The following NKD2 variants were observed in gnomAD, a reference collection of about 807,000 sequenced individuals.
NKD2 encodes NKD inhibitor of Wnt signaling pathway 2, also known as protein naked cuticle homolog 2.
A neutral mutation model predicts 34.8 loss-of-function variants in NKD2; 43 were observed. The ratio of observed to expected loss-of-function variants is 1.24; its 90% CI spans 0.97 to 1.60. The LOEUF (loss-of-function observed/expected upper bound fraction) is 1.60. Ranked by LOEUF, NKD2 falls within the 40% of genes most tolerant of loss-of-function variation. The pLI, the probability that NKD2 is intolerant of heterozygous loss-of-function variation, is 0.00. For missense variants in NKD2, 675 were observed against 627.1 expected, an observed-to-expected ratio of 1.08 and a Z score of -0.82; for synonymous variants, 278 against 265.1, an observed-to-expected ratio of 1.05 and a Z score of -0.47.
intron 3 of NKD2, among the ~76,000 whole-genome samples, chr5:1,027,645 G>C (rs1254972173): frequency 6.6e-6 from 1 of 152,214 alleles, no homozygotes; most frequent in East Asian, 1.9e-4. Context: ...TAGAACCCTA[G>C]ACCAGGGTTT....
intron 3 of NKD2, among the ~76,000 whole-genome samples, chr5:1,016,250 G>A (rs190858385): frequency 1.4e-4 from 22 of 152,374 alleles, no homozygotes; most frequent in Admixed American, 9.8e-4. Flanking sequence ...CCGCTCTCAC[G>A]GCGAGCTGCA....
At chr5:1,036,642 A>G (rs2150751885) in intron 9 of NKD2, 1 of 612,428 alleles carries the variant, frequency 1.6e-6, no homozygotes, top group Non-Finnish European at 3.0e-6. Flanking sequence ...TATGTGGCGG[A>G]TGCGGGGGTG....
At chr5:1,015,523 C>T (rs1300674478) in intron 3 of NKD2, among the ~76,000 whole-genome samples, 9 of 152,196 alleles carry the variant, frequency 5.9e-5, no homozygotes, top group African/African-American at 2.2e-4. Flanking sequence ...CTATGTCCTT[C>T]CTGCAGGGCT....
intron 3 of NKD2, among the ~76,000 whole-genome samples, chr5:1,027,935 T>C (rs946486449): frequency 2.0e-5 from 3 of 152,252 alleles, no homozygotes; most frequent in African/African-American, 7.2e-5. Context: ...CTGGCGCCTC[T>C]GCAGGGGTTC....
intron 3 of NKD2, among the ~76,000 whole-genome samples, chr5:1,013,947 G>A (rs1044442235): frequency 1.3e-5 from 2 of 152,200 alleles, no homozygotes; most frequent in African/African-American, 2.4e-5. Flanking sequence ...AGCACAGAGC[G>A]TCCCTGCCAC....
Position 1,037,814 on chromosome 5 carries a change from C to T in NKD2, c.797C>T (p.Pro266Leu). The change falls in exon 10 of 10, where the codon CCT becomes CTT. Residue 266 changes from proline to leucine, a missense_variant. By Grantham distance (98) the Pro-to-Leu change is moderately conservative. Coordinates refer to ENST00000296849, the MANE Select transcript of NKD2 (RefSeq NM_033120.4). ...YTSRFGPGSP[P>L]VQAKQEPQGR... ...TGACCTGTGTCCGCAGGGTCCCCTC[C>T]TGTGCAAGCAAAGCAGGAGCCCCAG... 6.3e-7 allele frequency: 1 copy of T among 1,575,402 alleles called. No individual in the cohort carries two copies. Among genetic ancestry groups the T allele is most frequent in the Non-Finnish European group, 8.6e-7 (1 of 1,164,564 alleles).
chr5:1,012,466 G>A (rs1055893106), intron 3 of NKD2, among the ~76,000 whole-genome samples: 2 of 152,258 alleles, frequency 1.3e-5, no homozygotes, highest in Non-Finnish European at 2.9e-5. Context: ...CCATCCCCAT[G>A]CCACGGCCCT....
rs1422303446 is a variant in NKD2, at chr5:1,038,293, C to T, written c.1276C>T (p.Pro426Ser). ...PTPAGEGYAVPVIQRHEHHHH... is the reference protein window; with the variant it reads ...PTPAGEGYAVSVIQRHEHHHH... ...GCCAGCAGGAGAGGGCTACGCGGTG[C>T]CAGTGATCCAGCGGCACGAGCACCA... Residue 426 changes from proline to serine, a missense_variant, in exon 10 of 10, where the codon CCA (proline) becomes TCA (serine). Transcript: ENST00000296849. The surrounding 1 kb of genome is among the most constrained non-coding windows in gnomAD (Gnocchi z 4.5). 2 of 1,553,828 alleles carry T rather than the reference C, an allele frequency of 1.3e-6. No homozygotes were observed. Among genetic ancestry groups the T allele is most frequent in the Non-Finnish European group, 1.7e-6 (2 of 1,155,622 alleles).
At chr5:1,028,984 G>A (rs562353826) in intron 3 of NKD2, among the ~76,000 whole-genome samples, 71 of 152,330 alleles carry the variant, frequency 4.7e-4, no homozygotes, top group Non-Finnish European at 8.1e-4. Flanking sequence ...AGTGGGGAGG[G>A]GCTGCACATC....
chr5:1,037,833 G>T lies in NKD2; in HGVS notation c.816G>T (p.Glu272Asp). 1 of 1,583,436 alleles carries T rather than the reference G, an allele frequency of 6.3e-7. No homozygotes were observed. Among genetic ancestry groups the T allele is most frequent in the Non-Finnish European group, 8.6e-7 (1 of 1,168,584 alleles). ...PGSPPVQAKQEPQGRASHLQA... is the reference protein window; with the variant it reads ...PGSPPVQAKQDPQGRASHLQA... ...CCCCTCCTGTGCAAGCAAAGCAGGAGCCCCAGGGCAGGGCCTCGCACCTCC... is the reference window on the plus strand; with the variant it reads ...CCCCTCCTGTGCAAGCAAAGCAGGATCCCCAGGGCAGGGCCTCGCACCTCC... Residue 272 changes from glutamate (E) to aspartate (D), a missense_variant, in exon 10 of 10, where the codon GAG becomes GAT. Glu to Asp is a conservative substitution (Grantham distance 45). Coordinates refer to ENST00000296849, the MANE Select transcript of NKD2 (RefSeq NM_033120.4).
chr5:1,021,442 G>A (rs1303383867), intron 3 of NKD2, among the ~76,000 whole-genome samples: 1 of 144,576 alleles, frequency 6.9e-6, no homozygotes, highest in Admixed American at 7.0e-5. Context: ...CTCCCCACAG[G>A]GCCTCAGTCT....
chr5:1,036,338 C>G lies in NKD2; in HGVS notation c.741C>G (p.Tyr247Ter). 1.9e-6 allele frequency: 3 copies of G among 1,613,002 alleles called. No individual in the cohort carries two copies. The highest frequency in any genetic ancestry group is 2.5e-6 in the Non-Finnish European group (3 of 1,179,844). Residue 247 changes from tyrosine (Y) to a stop codon, truncating the protein, a stop_gained, in exon 9 of 10, where the codon TAC (tyrosine) becomes TAG (stop). Coordinates refer to ENST00000296849, the MANE Select transcript of NKD2 (RefSeq NM_033120.4). LOFTEE classifies it low-confidence loss of function (END_TRUNC). ...AGAACACGGAGCGCAGAAACCACTA[C>G]CTGGACCTCGCCGGGATTGAGAACT... ...VDENTERRNH[Y>*]LDLAGIENYT...
At chr5:1,032,577 G>A (rs918649734) in intron 4 of NKD2, among the ~76,000 whole-genome samples, 2 of 152,368 alleles carry the variant, frequency 1.3e-5, no homozygotes, top group South Asian at 4.1e-4. Flanking sequence ...TGCTGGCCCA[G>A]CCTAAGTCAC....
intron 3 of NKD2, among the ~76,000 whole-genome samples, chr5:1,016,105 C>A (rs11956888): frequency 9.8e-5 from 15 of 152,316 alleles, no homozygotes; most frequent in East Asian, 5.8e-4. Context: ...GATCCCCCCC[C>A]ACACCGGACA....
chr5:1,013,221 C>T (rs915184910), intron 3 of NKD2, among the ~76,000 whole-genome samples: 1 of 152,216 alleles, frequency 6.6e-6, no homozygotes, highest in Non-Finnish European at 1.5e-5. Context: ...GAGGGCCAAC[C>T]TTCTGTCTTC....
chr5:1,036,271 AC>A lies in NKD2; in HGVS notation c.679del (p.Gln227SerfsTer201). On this transcript the variant is annotated frameshift_variant, in exon 9 of 10. Coordinates refer to ENST00000296849, the MANE Select transcript of NKD2 (RefSeq NM_033120.4). LOFTEE classifies it high-confidence loss of function. ...GCTCCAAGCAGGAGGCCCAGTACTG[AC>A]CCCCAGCCCTGCTCGGAGCGGGGGC... ...LSAHVRRPST[D>X]PQPCSERGPY... 6.2e-7 allele frequency: 1 copy of A among 1,607,146 alleles called. No homozygotes were observed. Among genetic ancestry groups the A allele is most frequent in the Non-Finnish European group, 8.5e-7 (1 of 1,176,968 alleles).
rs991792839 is a variant in NKD2, at chr5:1,009,501, G to A, written c.82G>A (p.Ala28Thr). 4.7e-6 allele frequency: 7 copies of A among 1,497,742 alleles called. No homozygotes were observed. Among genetic ancestry groups the A allele is most frequent in the Non-Finnish European group, 6.2e-6 (7 of 1,132,074 alleles). 92.8% of individuals were successfully genotyped at this position (1,497,742 alleles called of 1,614,324 possible). A position where few individuals can be genotyped will look rare whatever the true frequency, so the allele number is the denominator to read the frequency against. ...CGCAGGGGACAGCTTCGTGGCGTCC[G>A]CGTACGCGAGCGGCCGCAAAGGCGC... ...SPEGDSFVAS[A>T]YASGRKGAEE... The change falls in exon 3 of 10, where the codon GCG becomes ACG. Residue 28 changes from alanine (A) to threonine (T), a missense_variant. Ala to Thr is a moderately conservative substitution (Grantham distance 58). Coordinates refer to ENST00000296849, the MANE Select transcript of NKD2 (RefSeq NM_033120.4). This position sits in a 1 kb window ranked among gnomAD's most constrained non-coding sequence, Gnocchi z 6.9.
intron 3 of NKD2, among the ~76,000 whole-genome samples, chr5:1,014,989 C>T (rs1560983573): frequency 6.6e-6 from 1 of 152,234 alleles, no homozygotes; most frequent in African/African-American, 2.4e-5. Flanking sequence ...CTGGCCACAT[C>T]CCTCGTGCCT....
Position 1,009,903 on chromosome 5 carries a change from G to A in NKD2, c.141+343G>A, listed in dbSNP as rs1013820013. Among the ~76,000 whole-genome samples the A allele has an allele frequency of 6.6e-6, 1 of 152,176 alleles. No homozygotes were observed. Among genetic ancestry groups the A allele is most frequent in the African/African-American group, 2.4e-5 (1 of 41,438 alleles). ...AGACGTCCCGGGCTGGGGGTCCCGGGGAGCGGGAATGCAGTACCCCGGCTG... is the reference window on the plus strand; with the variant it reads ...AGACGTCCCGGGCTGGGGGTCCCGGAGAGCGGGAATGCAGTACCCCGGCTG... On this transcript the variant is annotated intron_variant, in intron 3 of 9. Transcript: ENST00000296849. This position sits in a 1 kb window ranked among gnomAD's most constrained non-coding sequence, Gnocchi z 6.9.
Sources: allele counts gnomAD v4.1 joint callset (sites outside exome capture counted in the v4.1 genomes callset), GRCh38; gene constraint gnomAD v4.1.1; non-coding constraint Gnocchi (gnomAD v3.1); transcripts MANE v1.5; gene names NCBI Gene and HGNC (gene_info 2026-07-23, HGNC 2026-07-21).